Variants in ERLEC1 observed in about 807,000 individuals in gnomAD.
The protein encoded by ERLEC1 is endoplasmic reticulum lectin 1, also known as ER lectin.
ERLEC1 carries 47 observed loss-of-function variants against 68.0 expected under a neutral mutation model. The ratio of observed to expected loss-of-function variants is 0.69; its 90% CI spans 0.55 to 0.88. The LOEUF (loss-of-function observed/expected upper bound fraction) is 0.88. Among genes scored for constraint, ERLEC1 ranks in the 40% least tolerant of loss-of-function variants. The pLI, the probability that ERLEC1 is intolerant of heterozygous loss-of-function variation, is 0.00. For missense variants in ERLEC1, 567 were observed against 583.8 expected, an observed-to-expected ratio of 0.97 and a Z score of 0.30; for synonymous variants, 225 against 203.2, an observed-to-expected ratio of 1.11 and a Z score of -0.91.
intron 6 of ERLEC1, among the ~76,000 whole-genome samples, chr2:53,799,769 C>G (rs1245778719): frequency 2.0e-5 from 3 of 151,968 alleles, no homozygotes; most frequent in Non-Finnish European, 4.4e-5. Flanking sequence ...TTGAAAATTA[C>G]TTAAAAGTGA....
intron 13 of ERLEC1, among the ~76,000 whole-genome samples, chr2:53,815,997 C>T (rs2104345207): frequency 6.6e-6 from 1 of 151,844 alleles, no homozygotes; most frequent in South Asian, 2.1e-4. Flanking sequence ...ATTTTTCTTT[C>T]TTTCTTTTTT....
intron 8 of ERLEC1, among the ~76,000 whole-genome samples, chr2:53,805,307 C>T (rs898751530): frequency 6.6e-6 from 1 of 152,104 alleles, no homozygotes; most frequent in African/African-American, 2.4e-5. Context: ...CAGACATGAG[C>T]CACCGCACCC....
intron 10 of ERLEC1, 152 bp from the exon 11 acceptor site, chr2:53,812,797 C>A: frequency 2.8e-6 from 2 of 708,938 alleles, no homozygotes; most frequent in East Asian, 3.0e-5. Context: ...GCTTAAATTT[C>A]CACTCATTGA....
At position 53,812,050 on chromosome 2, in the gene ERLEC1, TG is replaced by T. The variant is rs763706106; in HGVS notation, c.1102-895del. Among the ~76,000 whole-genome samples, 10 of 152,176 alleles carry T rather than the reference TG, an allele frequency of 6.6e-5. No individual in the cohort carries two copies. In the East Asian group the frequency reaches 1.7e-3, roughly 26 times the overall value. ...CTCCTGCCTCAGCCTCCCAAGTAGC[TG>T]GGGTTACAGGCATGCGCCAGCACGC... On this transcript the variant is annotated intron_variant, in intron 10 of 13. Transcript: ENST00000185150.
chr2:53,800,889 C>A (rs961679273), intron 6 of ERLEC1, among the ~76,000 whole-genome samples: 14 of 151,952 alleles, frequency 9.2e-5, no homozygotes, highest in African/African-American at 3.4e-4. Flanking sequence ...GATTGATGAA[C>A]CAGTCAGTAC....
intron 10 of ERLEC1, among the ~76,000 whole-genome samples, chr2:53,810,632 C>G (rs1676541784): frequency 1.3e-5 from 2 of 152,198 alleles, no homozygotes; most frequent in Non-Finnish European, 1.5e-5. Flanking sequence ...TTTGCCCACT[C>G]ATAATGTTTT....
At chr2:53,790,955 A>G (rs1177540414) in intron 1 of ERLEC1, among the ~76,000 whole-genome samples, 1 of 152,230 alleles carries the variant, frequency 6.6e-6, no homozygotes, top group East Asian at 1.9e-4. Context: ...ACCAAATTAA[A>G]CCACAAATCA....
At position 53,808,459 on chromosome 2, in the gene ERLEC1, G is replaced by C; in HGVS notation, c.1040G>C (p.Gly347Ala). ...EFLSGSYCFR[G>A]GVGWWKYEFC... Reference sequence around the variant, plus strand: ...CTTAGTGGTTCTTACTGCTTTCGTGGGGTGAGAAGTAAATCTTCAGTTTAA... The same window carrying C: ...CTTAGTGGTTCTTACTGCTTTCGTGCGGTGAGAAGTAAATCTTCAGTTTAA... Residue 347 changes from glycine to alanine, a missense_variant and splice_region_variant, in exon 9 of 14, where the codon GGG (glycine) becomes GCG (alanine). By Grantham distance (60) the Gly-to-Ala change is moderately conservative. Coordinates refer to ENST00000185150, the MANE Select transcript of ERLEC1 (RefSeq NM_015701.5). The C allele has an allele frequency of 6.2e-7, 1 of 1,613,176 alleles. No homozygotes were observed. The highest frequency in any genetic ancestry group is 8.5e-7 in the Non-Finnish European group (1 of 1,179,896).
chr2:53,796,072 T>A, intron 3 of ERLEC1, 59 bp downstream of exon 3: 1 of 1,143,208 alleles, frequency 8.7e-7, no homozygotes, highest in Non-Finnish European at 1.3e-6. Context: ...CCAACAGACC[T>A]TTGAAAATAC....
intron 9 of ERLEC1, 54 bp downstream of exon 9, chr2:53,808,514 TATGGTCAGTGG>T: frequency 6.4e-7 from 1 of 1,567,080 alleles, no homozygotes; most frequent in South Asian, 1.1e-5. Flanking sequence ...ACCTGCCAGG[TATGGTCAGTGG>T]GCATCAGCAG....
chr2:53,815,124 G>C (rs1227549204), intron 13 of ERLEC1, among the ~76,000 whole-genome samples, 189 bp downstream of exon 13: 2 of 148,952 alleles, frequency 1.3e-5, no homozygotes, highest in Non-Finnish European at 3.0e-5. Context: ...TTCTGCCTCA[G>C]CCTCCCGAGT....
At chr2:53,796,554 T>C (rs1675714994) in intron 3 of ERLEC1, among the ~76,000 whole-genome samples, 1 of 151,876 alleles carries the variant, frequency 6.6e-6, no homozygotes, top group Admixed American at 6.6e-5. Flanking sequence ...CAACGTCCCA[T>C]GCTCAAGCTG....
chr2:53,814,995 C>CTTTTTTTTTTTTTTTTTTTTTTTT (rs777632156), intron 13 of ERLEC1, 60 bp downstream of exon 13: 43 of 470,068 alleles, frequency 9.1e-5, no homozygotes, highest in East Asian at 2.3e-4. Context: ...ATTTTTTTTT[C>CTTTTTTTTTTTTTTTTTTTTTTTT]TTTTTTTTTT....
At chr2:53,804,889 A>G (rs1467164102) in intron 8 of ERLEC1, among the ~76,000 whole-genome samples, 1 of 151,924 alleles carries the variant, frequency 6.6e-6, no homozygotes, top group Non-Finnish European at 1.5e-5. Context: ...GATCCCGTAA[A>G]TAAGTGAGAA....
intron 1 of ERLEC1, chr2:53,788,516 G>T (rs780122669): frequency 2.0e-5 from 3 of 151,788 alleles, no homozygotes; most frequent in Non-Finnish European, 4.4e-5. Context: ...GATCTCCTCA[G>T]CTTCCCAGTA....
In ERLEC1 at chr2:53,794,372, G is replaced by A. The variant is rs1162129928; in HGVS notation, c.190G>A (p.Asp64Asn). Residue 64 changes from aspartate (D) to asparagine (N), a missense_variant, in exon 2 of 14, where the codon GAT (aspartate) becomes AAT (asparagine). Transcript: ENST00000185150. Reference sequence around the variant, plus strand: ...CACAACTGGAGTTTTATATAAAGAAGATAATTATGTCATCATGACAACTGC... The same window carrying A: ...CACAACTGGAGTTTTATATAAAGAAAATAATTATGTCATCATGACAACTGC... ...LPTTGVLYKE[D>N]NYVIMTTAHK... The A allele has an allele frequency of 3.2e-6, 5 of 1,569,656 alleles. No homozygotes were observed. The highest frequency in any genetic ancestry group is 1.2e-5 in the South Asian group (1 of 85,276).
At chr2:53,814,997 T>A in intron 13 of ERLEC1, 62 bp downstream of exon 13, 540 of 308,950 alleles carry the variant, frequency 1.7e-3, no homozygotes, top group Non-Finnish European at 2.6e-3. Flanking sequence ...TTTTTTTTCT[T>A]TTTTTTTTTT....
intron 1 of ERLEC1, among the ~76,000 whole-genome samples, chr2:53,790,224 G>T (rs1212202150): frequency 6.6e-6 from 1 of 151,106 alleles, no homozygotes; most frequent in Non-Finnish European, 1.5e-5. Flanking sequence ...CTCCCCAGTA[G>T]CTGGGATTGT....
chr2:53,809,813 T>G (rs1281186509), intron 10 of ERLEC1, among the ~76,000 whole-genome samples: 5 of 152,140 alleles, frequency 3.3e-5, no homozygotes, highest in Non-Finnish European at 7.3e-5. Flanking sequence ...CCCAGCACTT[T>G]GGGAGGCCAA....
Sources: allele counts gnomAD v4.1 joint callset (sites outside exome capture counted in the v4.1 genomes callset), GRCh38; gene constraint gnomAD v4.1.1; transcripts MANE v1.5; gene names NCBI Gene and HGNC (gene_info 2026-07-23, HGNC 2026-07-21).